The following NKAIN2 variants were observed in gnomAD, a reference collection of about 807,000 sequenced individuals.
NKAIN2 encodes sodium/potassium transporting ATPase interacting 2, also known as sodium/potassium-transporting ATPase subunit beta-1-interacting protein 2.
NKAIN2 carries 14 observed loss-of-function variants against 32.6 expected under a neutral mutation model. The observed-to-expected ratio is 0.43, with a 90% CI of 0.28 to 0.67. The LOEUF (loss-of-function observed/expected upper bound fraction) is 0.67. NKAIN2 is among the 30% of genes least tolerant of loss of function. NKAIN2 has a pLI of 0.17. For synonymous variants in NKAIN2, 80 were observed against 87.2 expected, an observed-to-expected ratio of 0.92 and a Z score of 0.46; for missense variants, 198 against 258.3, an observed-to-expected ratio of 0.77 and a Z score of 1.60.
chr6:124,716,846 T>A (rs988806324), intron 4 of NKAIN2, among the ~76,000 whole-genome samples: 5 of 116,094 alleles, frequency 4.3e-5, no homozygotes, highest in African/African-American at 6.7e-5. Flanking sequence ...AGTTTACTAA[T>A]TTTTCTAGCC....
chr6:124,762,284 T>C (rs932892693), intron 4 of NKAIN2, among the ~76,000 whole-genome samples: 1 of 152,154 alleles, frequency 6.6e-6, no homozygotes, highest in African/African-American at 2.4e-5. Context: ...TGGTGTCTTT[T>C]TGTTCATCCA....
chr6:124,655,766 CA>C (rs1165188395), intron 3 of NKAIN2, among the ~76,000 whole-genome samples: 10 of 152,254 alleles, frequency 6.6e-5, no homozygotes, highest in African/African-American at 2.4e-4. Flanking sequence ...ATTATTGAAT[CA>C]TCTTGCTTTG....
chr6:123,984,414 A>G (rs1348978922), intron 1 of NKAIN2, among the ~76,000 whole-genome samples: 1 of 152,168 alleles, frequency 6.6e-6, no homozygotes, highest in African/African-American at 2.4e-5. Flanking sequence ...TATAAGTACA[A>G]CTTACATATG....
At chr6:124,597,044 T>C (rs1782121021) in intron 3 of NKAIN2, among the ~76,000 whole-genome samples, 1 of 152,164 alleles carries the variant, frequency 6.6e-6, no homozygotes, top group Admixed American at 6.6e-5. Flanking sequence ...ATTCAGTGGA[T>C]TGGATGAGGT....
chr6:123,841,912 G>T (rs1774889000), intron 1 of NKAIN2, among the ~76,000 whole-genome samples: 2 of 152,146 alleles, frequency 1.3e-5, no homozygotes, highest in Non-Finnish European at 2.9e-5. Context: ...AGGATGACAG[G>T]TGTAGGATGG....
chr6:124,711,190 T>C (rs9375359), intron 4 of NKAIN2, among the ~76,000 whole-genome samples: 76,435 of 119,304 alleles, frequency 0.64, 25,106 homozygotes, highest in East Asian at 0.72. Context: ...GCGTTTCTGC[T>C]GAGAGATCCG....
intron 1 of NKAIN2, among the ~76,000 whole-genome samples, chr6:123,961,978 C>G (rs1232188035): frequency 6.6e-6 from 1 of 152,024 alleles, no homozygotes; most frequent in Non-Finnish European, 1.5e-5. Context: ...AAAGAGAAAG[C>G]TATTTTATTG....
In NKAIN2 at chr6:123,950,025, AT is replaced by A. The variant is rs963134820; in HGVS notation, c.54+145778del. ...ATGAAGGGATATTGAATTTTATCAA[AT>A]TTTTTTGCATCTATTGAGATATTTG... On this transcript the variant is annotated intron_variant, in intron 1 of 6. Transcript: ENST00000368417. Among the ~76,000 whole-genome samples the A allele has an allele frequency of 4.0e-5, 6 of 151,884 alleles. No homozygotes were observed. In the East Asian group the frequency reaches 1.2e-3, roughly 29 times the overall value.
intron 1 of NKAIN2, among the ~76,000 whole-genome samples, chr6:124,005,423 C>A (rs1461171336): frequency 7.0e-6 from 1 of 143,114 alleles, no homozygotes. Context: ...TAATACATTT[C>A]TCTCTGTTTA....
intron 3 of NKAIN2, among the ~76,000 whole-genome samples, chr6:124,387,174 T>C (rs1023088270): frequency 3.3e-5 from 5 of 152,108 alleles, no homozygotes; most frequent in African/African-American, 9.7e-5. Flanking sequence ...TGTATGCATA[T>C]ACATACATAC....
intron 2 of NKAIN2, among the ~76,000 whole-genome samples, chr6:124,322,961 A>T (rs1195240516): frequency 6.6e-6 from 1 of 152,144 alleles, no homozygotes; most frequent in South Asian, 2.1e-4. Flanking sequence ...TTTTAATTTT[A>T]GCTGTTCCAA....
chr6:123,853,432 G>A (rs1229774552), intron 1 of NKAIN2, among the ~76,000 whole-genome samples: 1 of 152,140 alleles, frequency 6.6e-6, no homozygotes, highest in Admixed American at 6.5e-5. Flanking sequence ...AAAAAGCAGA[G>A]AATTAGACCT....
At chr6:124,451,551 C>T (rs182092542) in intron 3 of NKAIN2, among the ~76,000 whole-genome samples, 42 of 152,164 alleles carry the variant, frequency 2.8e-4, no homozygotes, top group Admixed American at 7.9e-4. Context: ...CTAGGGTGCT[C>T]ATAAAAGAGG....
At chr6:124,110,367 G>A (rs1286288175) in intron 1 of NKAIN2, among the ~76,000 whole-genome samples, 1 of 151,820 alleles carries the variant, frequency 6.6e-6, no homozygotes, top group Non-Finnish European at 1.5e-5. Context: ...TTGATTAAAT[G>A]GTTTCTGCTG....
At chr6:124,213,574 G>A (rs1791297476) in intron 1 of NKAIN2, among the ~76,000 whole-genome samples, 1 of 151,894 alleles carries the variant, frequency 6.6e-6, no homozygotes, top group African/African-American at 2.4e-5. Context: ...ATTGTCAGAG[G>A]GAGAAATCTT....
At chr6:124,289,334 C>T (rs1489141630) in intron 2 of NKAIN2, among the ~76,000 whole-genome samples, 3 of 152,036 alleles carry the variant, frequency 2.0e-5, no homozygotes, top group East Asian at 3.9e-4. Context: ...CCTCCTTCTC[C>T]CCAGTGAGGC....
At chr6:124,722,958 C>G (rs542457008) in intron 4 of NKAIN2, among the ~76,000 whole-genome samples, 1 of 152,218 alleles carries the variant, frequency 6.6e-6, no homozygotes, top group Non-Finnish European at 1.5e-5. Flanking sequence ...AGAGTCACTT[C>G]AAAAACACAT....
chr6:124,417,159 A>T (rs7760111), intron 3 of NKAIN2, among the ~76,000 whole-genome samples: 1 of 152,082 alleles, frequency 6.6e-6, no homozygotes, highest in African/African-American at 2.4e-5. Flanking sequence ...CTGTTAAATG[A>T]TTTGACAAAG....
At chr6:124,440,590 C>T (rs1476831191) in intron 3 of NKAIN2, among the ~76,000 whole-genome samples, 1 of 152,000 alleles carries the variant, frequency 6.6e-6, no homozygotes, top group Non-Finnish European at 1.5e-5. Flanking sequence ...AAGAAATGTC[C>T]AAGTGGATCA....
Sources: allele counts gnomAD v4.1 joint callset (sites outside exome capture counted in the v4.1 genomes callset), GRCh38; gene constraint gnomAD v4.1.1; transcripts MANE v1.5; gene names NCBI Gene and HGNC (gene_info 2026-07-23, HGNC 2026-07-21).